Variants in ZNF483 observed in about 807,000 individuals in gnomAD.
The protein encoded by ZNF483 is zinc finger protein HIT-10.
A neutral mutation model predicts 28.6 loss-of-function variants in ZNF483; 9 were observed. The ratio of observed to expected loss-of-function variants is 0.32; its 90% CI spans 0.19 to 0.55. The LOEUF is 0.55. ZNF483 is among the 20% of genes least tolerant of loss of function. The pLI, the probability that ZNF483 is intolerant of heterozygous loss-of-function variation, is 0.93. For missense variants in ZNF483, 675 were observed against 871.7 expected (o/e 0.77, Z 2.84); for synonymous variants, 322 against 306.2 (o/e 1.05, Z -0.54).
intron 5 of ZNF483, among the ~76,000 whole-genome samples, chr9:111,561,444 A>G (rs1032923500): frequency 3.3e-5 from 5 of 151,648 alleles, no homozygotes; most frequent in African/African-American, 1.2e-4. Flanking sequence ...AGCTAATTTG[A>G]AAATTTTTTG....
At position 111,541,119 on chromosome 9, in the gene ZNF483, T is replaced by G. The variant is rs905557809; in HGVS notation, c.722-538T>G. Among the ~76,000 whole-genome samples the G allele has an allele frequency of 9.6e-5, 14 of 145,748 alleles. No individual in the cohort carries two copies. The South Asian group carries it at 1.1e-3, about 11-fold the overall frequency. On this transcript the variant is annotated intron_variant, in intron 5 of 5. Transcript: ENST00000309235. ...TTTTTTTTTTTTTTGAGACAGAGCC[T>G]TGCTCTGTTGCCTAGGCTGGAGTGC...
rs1827833650 is a variant in ZNF483, at chr9:111,547,481, T to G, written c.*4311T>G. ...TTTATTGAAGTCCTTTGCCCATTTT[T>G]TAATTGGTTTTGTTGGCGTTGTTGT... On this transcript the variant is annotated 3_prime_UTR_variant, in exon 6 of 6. Transcript: ENST00000309235. Among the ~76,000 whole-genome samples, 1 of 151,874 alleles carries G rather than the reference T, an allele frequency of 6.6e-6. No homozygotes were observed. The highest frequency in any genetic ancestry group is 2.1e-4 in the South Asian group (1 of 4,832).
At position 111,550,782 on chromosome 9, in the gene ZNF483, T is replaced by A. The variant is rs1336343471; in HGVS notation, c.*7612T>A. ...CATATTTTTATTTCCAAGTGCATTA[T>A]CTGATTCTTTCTTCCTTTTTTCTAA... On this transcript the variant is annotated 3_prime_UTR_variant, in exon 6 of 6. Transcript: ENST00000309235. 6.6e-6 allele frequency among the ~76,000 whole-genome samples: 1 copy of A among 152,220 alleles called. No homozygotes were observed. Among genetic ancestry groups the A allele is most frequent in the Non-Finnish European group, 1.5e-5 (1 of 68,032 alleles).
intron 2 of ZNF483, among the ~76,000 whole-genome samples, chr9:111,528,492 T>G (rs1298143680): frequency 6.6e-6 from 1 of 152,196 alleles, no homozygotes; most frequent in East Asian, 1.9e-4. Flanking sequence ...ATGTAAAGTC[T>G]TCTAGGGTGA....
At chr9:111,567,891 G>A (rs564337831) in intron 5 of ZNF483, among the ~76,000 whole-genome samples, 1 of 152,224 alleles carries the variant, frequency 6.6e-6, no homozygotes, top group South Asian at 2.1e-4. Flanking sequence ...TTTTAATATG[G>A]ACATTTATCA....
intron 5 of ZNF483, among the ~76,000 whole-genome samples, chr9:111,536,525 A>T (rs2132240875): frequency 6.6e-6 from 1 of 152,318 alleles, no homozygotes; most frequent in East Asian, 1.9e-4. Context: ...ACTCCATCTC[A>T]AAAAATAAAA....
rs1828023918 is a variant in ZNF483 at position 111,553,238 on chromosome 9, C to T, written c.*10068C>T. Among the ~76,000 whole-genome samples the T allele has an allele frequency of 6.6e-6, 1 of 152,198 alleles. No homozygotes were observed. The highest frequency in any genetic ancestry group is 1.5e-5 in the Non-Finnish European group (1 of 68,042). Reference sequence around the variant, plus strand: ...CATTTTGCTCTGCTGCAGTAAATTGCAATTGCCATTCATCATTAAATGTGC... The same window carrying T: ...CATTTTGCTCTGCTGCAGTAAATTGTAATTGCCATTCATCATTAAATGTGC... On this transcript the variant is annotated 3_prime_UTR_variant, in exon 6 of 6. Transcript: ENST00000309235.
At chr9:111,541,393 C>G (rs1396886185) in intron 5 of ZNF483, among the ~76,000 whole-genome samples, 1 of 148,014 alleles carries the variant, frequency 6.8e-6, no homozygotes, top group Non-Finnish European at 1.5e-5. Context: ...CCATCCTAAA[C>G]CTCTTAAAAA....
In ZNF483 at chr9:111,550,351, A is replaced by G. The variant is rs558740772; in HGVS notation, c.*7181A>G. The stretch of plus-strand genomic sequence containing the variant: ...GCTCTTTCTCTGTGATCAGAAGTAG[A>G]TATCTGCAATCAGAACCCTGATATT... On this transcript the variant is annotated 3_prime_UTR_variant, in exon 6 of 6. Coordinates refer to ENST00000309235, the MANE Select transcript of ZNF483 (RefSeq NM_133464.5). Among the ~76,000 whole-genome samples the G allele has an allele frequency of 1.3e-5, 2 of 152,330 alleles. No homozygotes were observed. Among genetic ancestry groups the G allele is most frequent in the Admixed American group, 6.5e-5 (1 of 15,308 alleles).
At chr9:111,528,103 C>A in intron 2 of ZNF483, 4 of 1,249,290 alleles carry the variant, frequency 3.2e-6, no homozygotes, top group Non-Finnish European at 4.3e-6. Flanking sequence ...AATTTCTTTC[C>A]CATCCCCTTC....
intron 5 of ZNF483, chr9:111,563,968 T>A (rs1828430754): frequency 6.3e-6 from 1 of 157,510 alleles, no homozygotes; most frequent in South Asian, 2.1e-4. Flanking sequence ...TCTAATAATC[T>A]GTCTCCCCTT....
At chr9:111,572,820 A>G (rs1828887558) in intron 5 of ZNF483, among the ~76,000 whole-genome samples, 1 of 151,842 alleles carries the variant, frequency 6.6e-6, no homozygotes, top group Non-Finnish European at 1.5e-5. Context: ...TGGGAAACAG[A>G]GCAAGACCTT....
chr9:111,557,384 A>G (rs1828154884), downstream of ZNF483, among the ~76,000 whole-genome samples: 1 of 151,974 alleles, frequency 6.6e-6, no homozygotes. Context: ...CAGTAAAAAA[A>G]AAAAGATGAC....
At position 111,530,869 on chromosome 9, in the gene ZNF483, T is replaced by G; in HGVS notation, c.413-6T>G. On this transcript the variant is annotated splice_polypyrimidine_tract_variant and splice_region_variant and intron_variant, in intron 2 of 5. Transcript: ENST00000309235. ...ACGACTGGACTGGTTTTCTCCCCTT[T>G]CCTAGATCCAGTCTCTCAAGATTCT... 7.1e-7 allele frequency: 1 copy of G among 1,415,810 alleles called. No individual in the cohort carries two copies. Among genetic ancestry groups the G allele is most frequent in the Non-Finnish European group, 9.5e-7 (1 of 1,055,598 alleles). The allele number at this position is 1,415,810 out of a possible 1,614,324, so 87.7% of individuals were successfully genotyped here.
intron 5 of ZNF483, chr9:111,539,435 CT>C (rs768800950): frequency 9.7e-5 from 44 of 455,930 alleles, no homozygotes; most frequent in Non-Finnish European, 1.9e-4. Flanking sequence ...TTTTATGACT[CT>C]GTTTTTTAGG....
intron 2 of ZNF483, among the ~76,000 whole-genome samples, chr9:111,530,612 C>CTG (rs1827301829): frequency 6.6e-6 from 1 of 151,172 alleles, no homozygotes; most frequent in Non-Finnish European, 1.5e-5. Flanking sequence ...GGACACCCAG[C>CTG]TGGTGCCTGC....
chr9:111,576,300 A>G, intron 5 of ZNF483: 2 of 1,565,580 alleles, frequency 1.3e-6, no homozygotes, highest in South Asian at 1.1e-5. Flanking sequence ...ATTGTAAACT[A>G]CTTGCTAAAA....
At chr9:111,560,745 C>G (rs1178960546) in intron 5 of ZNF483, among the ~76,000 whole-genome samples, 4 of 148,698 alleles carry the variant, frequency 2.7e-5, no homozygotes, top group Non-Finnish European at 5.9e-5. Context: ...AGTTCGAGAC[C>G]AGCCTGACCA....
In ZNF483 at chr9:111,545,938, T is replaced by A. The variant is rs1298693955; in HGVS notation, c.*2768T>A. The stretch of plus-strand genomic sequence containing the variant: ...CAGATGCCTGAGGGGAGTTGCTAGG[T>A]CATACGGTAAATTTTCATTTAACTT... On this transcript the variant is annotated 3_prime_UTR_variant, in exon 6 of 6. Transcript: ENST00000309235. Among the ~76,000 whole-genome samples, 1 of 152,168 alleles carries A rather than the reference T, an allele frequency of 6.6e-6. No homozygotes were observed. Among genetic ancestry groups the A allele is most frequent in the East Asian group, 1.9e-4 (1 of 5,194 alleles).
Sources: gnomAD v4.1 joint callset for allele counts (sites outside exome capture counted in the v4.1 genomes callset) on GRCh38, gnomAD v4.1.1 for gene constraint, MANE v1.5 for transcripts, NCBI Gene and HGNC (gene_info 2026-07-23, HGNC 2026-07-21) for gene names.